PABPC1L: variants seen among roughly 807,000 people sequenced by gnomAD.
The protein encoded by PABPC1L is polyadenylate-binding protein 1-like.
A neutral mutation model predicts 66.6 loss-of-function variants in PABPC1L; 31 were observed. The ratio of observed to expected loss-of-function variants is 0.47; its 90% CI spans 0.35 to 0.63. The LOEUF is 0.63. Among genes scored for constraint, PABPC1L ranks in the 20% least tolerant of loss-of-function variants. PABPC1L has a pLI of 0.00. For synonymous variants in PABPC1L, 348 were observed against 335.1 expected, an observed-to-expected ratio of 1.04 and a Z score of -0.42; for missense variants, 722 against 848.8, an observed-to-expected ratio of 0.85 and a Z score of 1.86.
intron 7 of PABPC1L, among the ~76,000 whole-genome samples, chr20:44,928,597 C>T (rs1276763930): frequency 6.6e-6 from 1 of 152,054 alleles, no homozygotes; most frequent in Non-Finnish European, 1.5e-5. Flanking sequence ...GTTAAGACCC[C>T]TCTACTGAAG....
chr20:44,914,030 G>T (rs1794924890), intron 2 of PABPC1L, among the ~76,000 whole-genome samples: 1 of 152,092 alleles, frequency 6.6e-6, no homozygotes, highest in Admixed American at 6.6e-5. Flanking sequence ...TTTATATGAG[G>T]ATGTTGAGGA....
At position 44,938,060 on chromosome 20, in the gene PABPC1L, G is replaced by A. The variant is rs1214432978; in HGVS notation, c.1661-1G>A. The A allele has an allele frequency of 1.9e-6, 3 of 1,614,162 alleles. No individual in the cohort carries two copies. The highest frequency in any genetic ancestry group is 2.5e-6 in the Non-Finnish European group (3 of 1,180,014). On this transcript the variant is annotated splice_acceptor_variant, in intron 12 of 14. Transcript: ENST00000217073. LOFTEE classifies it high-confidence loss of function. Reference sequence around the variant, plus strand: ...AAGCCATTAGAAGGTGTTCCACACAGGGGAGCGTCTCTACCCCCTTATCCA... The same window carrying A: ...AAGCCATTAGAAGGTGTTCCACACAAGGGAGCGTCTCTACCCCCTTATCCA...
At chr20:44,916,941 C>T (rs955848322) in intron 3 of PABPC1L, 70 bp downstream of exon 3, 75 of 1,435,924 alleles carry the variant, frequency 5.2e-5, no homozygotes, top group Middle Eastern at 1.8e-4. Flanking sequence ...GACTAGGAAT[C>T]GATGCTACCC....
intron 1 of PABPC1L, among the ~76,000 whole-genome samples, chr20:44,912,054 A>AT (rs1289201788): frequency 6.6e-6 from 1 of 152,088 alleles, no homozygotes; most frequent in Non-Finnish European, 1.5e-5. Flanking sequence ...TACCTTCTTT[A>AT]TTTTTCAGTC....
At chr20:44,938,896 G>A in intron 14 of PABPC1L, 148 bp downstream of exon 14, 1 of 846,780 alleles carries the variant, frequency 1.2e-6, no homozygotes. Context: ...GTGAGAATCA[G>A]AGGAGATGAT....
At chr20:44,915,447 G>A (rs1342431529) in intron 2 of PABPC1L, among the ~76,000 whole-genome samples, 4 of 152,118 alleles carry the variant, frequency 2.6e-5, no homozygotes, top group Non-Finnish European at 5.9e-5. Context: ...CTCAAGTTCT[G>A]TCCTGCTGGC....
chr20:44,917,855 G>T (rs530528829), intron 3 of PABPC1L, among the ~76,000 whole-genome samples: 12 of 152,282 alleles, frequency 7.9e-5, no homozygotes, highest in African/African-American at 2.9e-4. Flanking sequence ...AATGCTCTTC[G>T]TTAGCTCCAA....
At chr20:44,930,867 C>T in intron 8 of PABPC1L, 141 bp downstream of exon 8, 3 of 1,163,176 alleles carry the variant, frequency 2.6e-6, no homozygotes, top group Non-Finnish European at 3.6e-6. Flanking sequence ...GTTTCCCTCT[C>T]TATAAAAGGG....
At chr20:44,927,835 G>A (rs2066820664) in intron 7 of PABPC1L, among the ~76,000 whole-genome samples, 1 of 152,032 alleles carries the variant, frequency 6.6e-6, no homozygotes, top group Admixed American at 6.6e-5. Context: ...GACTATAGGA[G>A]CACCACTATG....
intron 4 of PABPC1L, 28 bp downstream of exon 4, chr20:44,919,073 G>T (rs530953646): frequency 2.5e-6 from 4 of 1,610,932 alleles, no homozygotes; most frequent in Admixed American, 3.3e-5. Flanking sequence ...GGAGCGGGGG[G>T]ATCACTGTTT....
rs773715192 is a variant in PABPC1L, at chr20:44,938,179, C to G, written c.1779C>G (p.Ser593=). 8.4e-5 allele frequency: 136 copies of G among 1,613,778 alleles called. No homozygotes were observed. The highest frequency in any genetic ancestry group is 1.1e-4 in the Non-Finnish European group (133 of 1,179,926). The change falls in exon 13 of 15, where the codon TCC becomes TCG. Residue 593 remains serine, a synonymous_variant. Transcript: ENST00000217073. Reference sequence around the variant, plus strand: ...TGCTCATGCTGGAGTCTCCAGAATCCCTCCATGCCAAGGTAAGCAGGAGCC... The same window carrying G: ...TGCTCATGCTGGAGTCTCCAGAATCGCTCCATGCCAAGGTAAGCAGGAGCC... The part of the protein sequence containing the change: ...ELLLMLESPE[S]LHAKIDEAVA...
Position 44,921,804 on chromosome 20 carries a change from C to T in PABPC1L, c.876+73C>T. On this transcript the variant is annotated intron_variant, in intron 6 of 14. Coordinates refer to ENST00000217073, the MANE Select transcript of PABPC1L (RefSeq NM_001372179.1). The stretch of plus-strand genomic sequence containing the variant: ...GTGTGTCGGGGGCCCTGAGTGGTGA[C>T]TGTTTCTTCTAGTGATCCTACTTCT... 2.5e-6 allele frequency: 4 copies of T among 1,590,162 alleles called. No homozygotes were observed. The South Asian group carries it at 3.4e-5, about 13-fold the overall frequency.
intron 6 of PABPC1L, 125 bp from the exon 7 acceptor site, chr20:44,924,036 G>T: frequency 1.3e-6 from 1 of 745,836 alleles, no homozygotes; most frequent in Non-Finnish European, 2.4e-6. Flanking sequence ...AGGGAGACGG[G>T]GAGCAGGAGG....
Position 44,910,106 on chromosome 20 carries a change from G to T in PABPC1L, c.-38G>T. The T allele has an allele frequency of 6.6e-7, 1 of 1,512,106 alleles. No individual in the cohort carries two copies. Among genetic ancestry groups the T allele is most frequent in the Non-Finnish European group, 8.9e-7 (1 of 1,121,816 alleles). The allele number at this position is 1,512,106 out of a possible 1,614,324, so 93.7% of individuals were successfully genotyped here. A position where few individuals can be genotyped will look rare whatever the true frequency, so the allele number is the denominator to read the frequency against. On this transcript the variant is annotated 5_prime_UTR_variant, in exon 1 of 15. Coordinates refer to ENST00000217073, the MANE Select transcript of PABPC1L (RefSeq NM_001372179.1). ...GAGCGCGGGGCTGCTGGGTGACCCG[G>T]CTCCTGCTTGCCCCGCAGCCCCGGC... is the stretch of plus-strand genomic sequence containing the variant.
chr20:44,928,620 C>T (rs117918798), intron 7 of PABPC1L, among the ~76,000 whole-genome samples: 2,461 of 152,040 alleles, frequency 0.016, 27 homozygotes, highest in Non-Finnish European at 0.027. Flanking sequence ...TAGCAGAGTA[C>T]AGTTTCAAAA....
At chr20:44,919,324 G>A (rs1309225308) in intron 5 of PABPC1L, 47 bp downstream of exon 5, 8 of 1,595,424 alleles carry the variant, frequency 5.0e-6, no homozygotes, top group Non-Finnish European at 6.9e-6. Flanking sequence ...GGACCGAGCT[G>A]GGACTAAGAA....
At chr20:44,916,665 C>A in intron 2 of PABPC1L, 91 bp from the exon 3 acceptor site, 1 of 1,184,986 alleles carries the variant, frequency 8.4e-7, no homozygotes, top group Non-Finnish European at 1.3e-6. Context: ...GCACAGCAGG[C>A]ATGCAGAGAC....
chr20:44,925,555 A>C (rs1373327228), intron 7 of PABPC1L, among the ~76,000 whole-genome samples: 1 of 152,196 alleles, frequency 6.6e-6, no homozygotes, highest in Non-Finnish European at 1.5e-5. Flanking sequence ...CAAAGAGATC[A>C]GTGTGAGTGA....
intron 2 of PABPC1L, among the ~76,000 whole-genome samples, chr20:44,914,822 A>G (rs780415999): frequency 5.3e-5 from 8 of 152,250 alleles, no homozygotes; most frequent in Non-Finnish European, 1.0e-4. Context: ...GGTACCTGGC[A>G]TACTGTTAAG....
Sources: allele counts gnomAD v4.1 joint callset (sites outside exome capture counted in the v4.1 genomes callset), GRCh38; gene constraint gnomAD v4.1.1; transcripts MANE v1.5; gene names NCBI Gene and HGNC (gene_info 2026-07-23, HGNC 2026-07-21).